Variants in CA5A observed in about 807,000 individuals in gnomAD.
The protein encoded by CA5A is carbonic anhydrase 5A, mitochondrial.
Under a neutral mutation model 37.1 loss-of-function variants are expected in CA5A, and 28 were observed. That is an observed-to-expected ratio of 0.75 (90% CI 0.56 to 1.03). CA5A has a LOEUF of 1.03. Among genes scored for constraint, CA5A ranks in the 50% least tolerant of loss-of-function variants. The pLI, the probability that CA5A is intolerant of heterozygous loss-of-function variation, is 0.00. For synonymous variants in CA5A, 171 were observed against 158.4 expected, an observed-to-expected ratio of 1.08 and a Z score of -0.60; for missense variants, 444 against 399.9, an observed-to-expected ratio of 1.11 and a Z score of -0.94.
chr16:87,913,270 C>T (rs923505371), intron 2 of CA5A, among the ~76,000 whole-genome samples: 18 of 151,400 alleles, frequency 1.2e-4, no homozygotes, highest in African/African-American at 4.4e-4. Context: ...TGAGCCACCA[C>T]ACCTGGCCCA....
In CA5A at chr16:87,894,700, G is replaced by C. The variant is rs189785236; in HGVS notation, c.619-2746C>G. Among the ~76,000 whole-genome samples, 12 of 152,004 alleles carry C rather than the reference G, an allele frequency of 7.9e-5. No homozygotes were observed. The East Asian group carries it at 2.3e-3, about 29-fold the overall frequency. ...TCAAGACCAGCCTGACCAACATGGC[G>C]AAACCCCATCTCTACTAAAAATACA... On this transcript the variant is annotated intron_variant, in intron 5 of 6. Transcript: ENST00000649794.
At chr16:87,929,133 A>G (rs1273460403) in intron 1 of CA5A, among the ~76,000 whole-genome samples, 4 of 150,500 alleles carry the variant, frequency 2.7e-5, no homozygotes, top group African/African-American at 9.7e-5. Flanking sequence ...TGCATCCAAC[A>G]GAAGTCTAGA....
intron 2 of CA5A, among the ~76,000 whole-genome samples, chr16:87,905,662 C>T (rs916530932): frequency 6.6e-6 from 1 of 152,194 alleles, no homozygotes; most frequent in Non-Finnish European, 1.5e-5. Context: ...CCTGGGTGAG[C>T]AAGGTCTTTA....
At chr16:87,895,907 G>A (rs1177559147) in intron 5 of CA5A, among the ~76,000 whole-genome samples, 1 of 152,174 alleles carries the variant, frequency 6.6e-6, no homozygotes, top group African/African-American at 2.4e-5. Context: ...CCCATTGCAC[G>A]CTCTAGCTGG....
chr16:87,904,422 C>T (rs1053770215), intron 3 of CA5A, among the ~76,000 whole-genome samples: 9 of 152,158 alleles, frequency 5.9e-5, no homozygotes, highest in African/African-American at 2.2e-4. Context: ...TGTTCAGCTT[C>T]TCAGCAGAGG....
intron 5 of CA5A, among the ~76,000 whole-genome samples, chr16:87,899,898 C>A (rs770130618): frequency 8.9e-6 from 1 of 112,052 alleles, no homozygotes; most frequent in Non-Finnish European, 1.7e-5. Context: ...CCAGCCTGGG[C>A]AACAGAGCGA....
At position 87,891,952 on chromosome 16, in the gene CA5A, G is replaced by A. The variant is rs780125549; in HGVS notation, c.621C>T (p.Asp207=). 34 of 1,533,742 alleles carry A rather than the reference G, an allele frequency of 2.2e-5. No individual in the cohort carries two copies. Among genetic ancestry groups the A allele is most frequent in the African/African-American group, 2.8e-5 (2 of 71,664 alleles). The part of the protein sequence containing the change: ...VDILPEIKHK[D]ARAAMRPFDP... Reference sequence around the variant, plus strand: ...CGAAGGGGCGCATGGCCGCCCGCGCGTCCTGAGAGACCGAGAAGCACAGGA... The same window carrying A: ...CGAAGGGGCGCATGGCCGCCCGCGCATCCTGAGAGACCGAGAAGCACAGGA... Residue 207 remains aspartate (D), a splice_region_variant and synonymous_variant, in exon 6 of 7, where the codon GAC becomes GAT. Coordinates refer to ENST00000649794, the MANE Select transcript of CA5A (RefSeq NM_001739.2).
chr16:87,915,033 C>G (rs1262822872), intron 2 of CA5A, among the ~76,000 whole-genome samples: 1 of 152,246 alleles, frequency 6.6e-6, no homozygotes, highest in Non-Finnish European at 1.5e-5. Context: ...ACCACCAGCT[C>G]CATCCTGAGC....
intron 1 of CA5A, among the ~76,000 whole-genome samples, chr16:87,927,450 G>A (rs1172644974): frequency 6.6e-6 from 1 of 152,192 alleles, no homozygotes; most frequent in Non-Finnish European, 1.5e-5. Flanking sequence ...CTGGCAAGGA[G>A]GAAATGAGAC....
intron 2 of CA5A, 43 bp from the exon 3 acceptor site, chr16:87,904,947 T>G (rs772836752): frequency 7.7e-7 from 1 of 1,306,244 alleles, no homozygotes; most frequent in Non-Finnish European, 1.1e-6. Context: ...TTTTGTCTGT[T>G]TGTTGAGCTG....
In CA5A at chr16:87,901,959, G is replaced by C; in HGVS notation, c.571C>G (p.Gln191Glu). 1 of 1,613,836 alleles carries C rather than the reference G, an allele frequency of 6.2e-7. No homozygotes were observed. Residue 191 changes from glutamine to glutamate, a missense_variant, in exon 5 of 7, where the codon CAG (glutamine) becomes GAG (glutamate). Physicochemically the swap from Gln to Glu is conservative, Grantham distance 29. Transcript: ENST00000649794. ...ATGTCCACCAGCCTCTGCAGCGTCTGATGATGGGCCCCGAGCTGCATGGCA... is the reference window on the plus strand; with the variant it reads ...ATGTCCACCAGCCTCTGCAGCGTCTCATGATGGGCCCCGAGCTGCATGGCA... ...GVFLKLGAHHQTLQRLVDILP... is the reference protein window; with the variant it reads ...GVFLKLGAHHETLQRLVDILP...
At chr16:87,909,488 G>C (rs895138383) in intron 2 of CA5A, among the ~76,000 whole-genome samples, 4 of 152,228 alleles carry the variant, frequency 2.6e-5, no homozygotes, top group African/African-American at 9.6e-5. Flanking sequence ...GCGTTTTCGG[G>C]AACAGCAGGT....
intron 2 of CA5A, among the ~76,000 whole-genome samples, chr16:87,916,107 G>C (rs146702514): frequency 9.7e-4 from 145 of 150,248 alleles, no homozygotes; most frequent in African/African-American, 3.3e-3. Flanking sequence ...GGTGGAGCTT[G>C]CAGTGAGCAG....
At chr16:87,883,569 ATC>A (rs2055625792), downstream of CA5A, 1 of 149,214 alleles carries the variant, frequency 6.7e-6, no homozygotes, top group Middle Eastern at 3.5e-3. Context: ...TGACCTCATG[ATC>A]TACCTGCCTC....
chr16:87,893,179 G>C (rs1009263026), intron 5 of CA5A: 4 of 425,764 alleles, frequency 9.4e-6, no homozygotes, highest in African/African-American at 4.2e-5. Flanking sequence ...CCAGGCTGGA[G>C]TGCAGTGGTG....
exon 5 of CA5A, chr16:87,881,741 T>G (rs2143870793): frequency 1.3e-5 from 2 of 152,350 alleles, no homozygotes; most frequent in Middle Eastern, 3.4e-3. Context: ...GCCTCCTGTT[T>G]GTTTTTTGTC....
chr16:87,893,796 A>G, intron 5 of CA5A: 1 of 364,832 alleles, frequency 2.7e-6, no homozygotes, highest in Admixed American at 3.5e-5. Flanking sequence ...AAAAAGAGTC[A>G]GGGTCTTACT....
chr16:87,894,699 C>T (rs1209897777), intron 5 of CA5A, among the ~76,000 whole-genome samples: 5 of 151,800 alleles, frequency 3.3e-5, no homozygotes, highest in African/African-American at 7.3e-5. Flanking sequence ...ACCAACATGG[C>T]GAAACCCCAT....
Position 87,891,920 on chromosome 16 carries a change from G to C in CA5A, c.653C>G (p.Ser218Cys), listed in dbSNP as rs1244413932. ...ARAAMRPFDP[S>C]TLLPTCWDYW... ...ATCCCAGCAGGTGGGCAGCAGAGTGGAGGGGTCGAAGGGGCGCATGGCCGC... is the reference window on the plus strand; with the variant it reads ...ATCCCAGCAGGTGGGCAGCAGAGTGCAGGGGTCGAAGGGGCGCATGGCCGC... Residue 218 changes from serine to cysteine, a missense_variant, in exon 6 of 7, where the codon TCC (serine) becomes TGC (cysteine). Ser to Cys is a moderately radical substitution (Grantham distance 112). Transcript: ENST00000649794. 8 of 1,563,608 alleles carry C rather than the reference G, an allele frequency of 5.1e-6. No homozygotes were observed. In the African/African-American group the frequency reaches 9.6e-5, roughly 19 times the overall value.
Sources: allele counts gnomAD v4.1 joint callset (sites outside exome capture counted in the v4.1 genomes callset), GRCh38; gene constraint gnomAD v4.1.1; transcripts MANE v1.5; gene names NCBI Gene and HGNC (gene_info 2026-07-23, HGNC 2026-07-21).